The following GXYLT1 variants were observed in gnomAD, a reference collection of about 807,000 sequenced individuals.
The protein encoded by GXYLT1 is glycosyltransferase 8 domain containing 3.
Under a neutral mutation model 54.0 loss-of-function variants are expected in GXYLT1, and 29 were observed. The observed-to-expected ratio is 0.54, with a 90% confidence interval of 0.40 to 0.73. The LOEUF (loss-of-function observed/expected upper bound fraction) is 0.73, where lower values mean the gene tolerates loss of function less well. Among genes scored for constraint, GXYLT1 ranks in the 30% least tolerant of loss-of-function variants. GXYLT1 has a pLI of 0.00. For missense variants in GXYLT1, 490 were observed against 553.4 expected (o/e 0.89, Z 1.15); for synonymous variants, 176 against 204.1 (o/e 0.86, Z 1.17).
intron 6 of GXYLT1, 123 bp from the exon 7 acceptor site, chr12:42,097,737 C>A (rs1229999841): frequency 1.9e-6 from 2 of 1,064,982 alleles, no homozygotes; most frequent in Non-Finnish European, 2.7e-6. Context: ...AAATGTCTGG[C>A]ATTTAGATCT....
At chr12:42,144,349 G>T (rs1358692363) in intron 1 of GXYLT1, 77 bp downstream of exon 1, 1 of 947,862 alleles carries the variant, frequency 1.1e-6, no homozygotes, top group Non-Finnish European at 1.4e-6. Flanking sequence ...ACCCACCGGC[G>T]AGCAGCCCGG....
chr12:42,115,521 T>C (rs756718594), intron 3 of GXYLT1, among the ~76,000 whole-genome samples: 18 of 152,254 alleles, frequency 1.2e-4, no homozygotes, highest in African/African-American at 2.6e-4. Context: ...GAGTGAACTC[T>C]CATTCACAAT....
intron 5 of GXYLT1, among the ~76,000 whole-genome samples, chr12:42,098,782 T>TATATATATATATATATATATATATAA (rs1374482799): frequency 1.4e-5 from 2 of 138,242 alleles, no homozygotes; most frequent in African/African-American, 2.7e-5. Flanking sequence ...TATATATATA[T>TATATATATATATATATATATATATAA]ATAATACATG....
intron 5 of GXYLT1, among the ~76,000 whole-genome samples, chr12:42,100,776 A>C (rs2065385425): frequency 6.6e-6 from 1 of 152,130 alleles, no homozygotes; most frequent in Non-Finnish European, 1.5e-5. Flanking sequence ...CTGAAAAGAA[A>C]AATATCAATT....
At chr12:42,125,550 T>G (rs987439938) in intron 2 of GXYLT1, among the ~76,000 whole-genome samples, 2 of 152,190 alleles carry the variant, frequency 1.3e-5, no homozygotes, top group Non-Finnish European at 2.9e-5. Context: ...GTAACTGGTC[T>G]GGTCTCAAAA....
Position 42,109,568 on chromosome 12 carries a change from G to T in GXYLT1, c.610C>A (p.Pro204Thr). 1 of 1,493,070 alleles carries T rather than the reference G, an allele frequency of 6.7e-7. No homozygotes were observed. Among genetic ancestry groups the T allele is most frequent in the Non-Finnish European group, 8.9e-7 (1 of 1,126,124 alleles). The allele number at this position is 1,493,070 out of a possible 1,614,324, so 92.5% of individuals were successfully genotyped here. Residue 204 changes from proline (P) to threonine (T), a missense_variant and splice_region_variant, in exon 4 of 8, where the codon CCG becomes ACG. Pro to Thr is a conservative substitution (Grantham distance 38). Coordinates refer to ENST00000398675, the MANE Select transcript of GXYLT1 (RefSeq NM_173601.2). ...KPCASQRLFL[P>T]LILKEVDSLL... The stretch of plus-strand genomic sequence containing the variant: ...AGACACTAGGGGAAAAAACTTACCG[G>T]CAAGAACAATCTCTGCGAAGCACAT...
chr12:42,096,284 TG>T (rs1199848004), intron 7 of GXYLT1, among the ~76,000 whole-genome samples: 1 of 152,120 alleles, frequency 6.6e-6, no homozygotes, highest in Non-Finnish European at 1.5e-5. Flanking sequence ...AGAGCTCCTT[TG>T]ACAGATGACT....
At chr12:42,139,891 G>C (rs534141581) in intron 1 of GXYLT1, among the ~76,000 whole-genome samples, 1 of 152,156 alleles carries the variant, frequency 6.6e-6, no homozygotes, top group East Asian at 1.9e-4. Context: ...AGAAAAAAGG[G>C]GGGAAAAGGG....
At chr12:42,103,782 TCA>T (rs1299217491) in intron 5 of GXYLT1, among the ~76,000 whole-genome samples, 4 of 152,092 alleles carry the variant, frequency 2.6e-5, no homozygotes, top group African/African-American at 7.2e-5. Context: ...GTGTTTTTTT[TCA>T]CAGTCATTAA....
In GXYLT1 at chr12:42,082,106, C is replaced by T. The variant is rs1446404155; in HGVS notation, c.*5680G>A. ...TGTAAGAGTAGTATTCTCTACATAC[C>T]ACAGTATACAATGATGCCTTCCTGC... On this transcript the variant is annotated 3_prime_UTR_variant, in exon 8 of 8. Coordinates refer to ENST00000398675, the MANE Select transcript of GXYLT1 (RefSeq NM_173601.2). The T allele has an allele frequency of 6.6e-6, 1 of 152,094 alleles. No homozygotes were observed. Among genetic ancestry groups the T allele is most frequent in the Admixed American group, 6.5e-5 (1 of 15,276 alleles). 9.4% of individuals were successfully genotyped at this position (152,094 alleles called of 1,614,324 possible).
chr12:42,122,407 T>A (rs1328996362), intron 2 of GXYLT1, among the ~76,000 whole-genome samples: 1 of 152,212 alleles, frequency 6.6e-6, no homozygotes, highest in South Asian at 2.1e-4. Context: ...CTGGCCAACA[T>A]GGCGAAACCC....
At chr12:42,135,800 G>C (rs1024468156) in intron 1 of GXYLT1, among the ~76,000 whole-genome samples, 2 of 152,196 alleles carry the variant, frequency 1.3e-5, no homozygotes, top group African/African-American at 4.8e-5. Context: ...GGACTGAGGA[G>C]TGCAAGGTGG....
At chr12:42,134,781 C>T (rs921833007) in intron 1 of GXYLT1, among the ~76,000 whole-genome samples, 5 of 152,202 alleles carry the variant, frequency 3.3e-5, no homozygotes, top group African/African-American at 1.2e-4. Context: ...CATGACTATG[C>T]TGATTAGTAG....
At chr12:42,104,142 A>T (rs1244459704) in intron 5 of GXYLT1, among the ~76,000 whole-genome samples, 1 of 152,172 alleles carries the variant, frequency 6.6e-6, no homozygotes, top group Non-Finnish European at 1.5e-5. Flanking sequence ...GATTTGAACT[A>T]TATAGCTATT....
At position 42,119,277 on chromosome 12, in the gene GXYLT1, A is replaced by G. The variant is rs1317687154; in HGVS notation, c.315-106T>C. On this transcript the variant is annotated intron_variant, in intron 2 of 7. Coordinates refer to ENST00000398675, the MANE Select transcript of GXYLT1 (RefSeq NM_173601.2). ...AGCTCAAAGCCAGATGTTGTGACTC[A>G]TGCCTGCAGTCCCAGCTACACGGGA... is the stretch of plus-strand genomic sequence containing the variant. 4 of 870,000 alleles carry G rather than the reference A, an allele frequency of 4.6e-6. No homozygotes were observed. In the East Asian group the frequency reaches 7.3e-5, roughly 16 times the overall value. 53.9% of individuals were successfully genotyped at this position (870,000 alleles called of 1,614,324 possible). A position where few individuals can be genotyped will look rare whatever the true frequency, so the allele number is the denominator to read the frequency against.
At chr12:42,130,912 ACCC>A (rs1227355003) in intron 1 of GXYLT1, among the ~76,000 whole-genome samples, 2 of 152,124 alleles carry the variant, frequency 1.3e-5, no homozygotes, top group Non-Finnish European at 2.9e-5. Context: ...GTGCTACTGC[ACCC>A]CAGCCTGGCT....
intron 5 of GXYLT1, among the ~76,000 whole-genome samples, chr12:42,104,254 CA>C (rs746969499): frequency 1.0e-4 from 10 of 98,358 alleles, no homozygotes; most frequent in Non-Finnish European, 1.8e-4. Context: ...TGAGAAGTCA[CA>C]TTTTTTTTTT....
At chr12:42,123,134 T>A (rs904785080) in intron 2 of GXYLT1, among the ~76,000 whole-genome samples, 1 of 152,144 alleles carries the variant, frequency 6.6e-6, no homozygotes, top group African/African-American at 2.4e-5. Flanking sequence ...TAACTCAACC[T>A]GAGTTGAATG....
chr12:42,113,415 C>T (rs2065471799), intron 3 of GXYLT1, among the ~76,000 whole-genome samples: 2 of 150,390 alleles, frequency 1.3e-5, no homozygotes, highest in Non-Finnish European at 2.9e-5. Context: ...CACATAGGCT[C>T]AAAATAAAAG....
Sources: gnomAD v4.1 joint callset for allele counts (sites outside exome capture counted in the v4.1 genomes callset) on GRCh38, gnomAD v4.1.1 for gene constraint, MANE v1.5 for transcripts, NCBI Gene and HGNC (gene_info 2026-07-23, HGNC 2026-07-21) for gene names.